The following SHANK2 variants were observed in gnomAD, a reference collection of about 807,000 sequenced individuals.
SHANK2 encodes the protein SH3 and multiple ankyrin repeat domains protein 2.
In SHANK2, 43 loss-of-function variants were observed where a neutral mutation model predicts 133.7. The ratio of observed to expected loss-of-function variants is 0.32; its 90% confidence interval spans 0.25 to 0.41. SHANK2 has a LOEUF of 0.41. Among genes scored for constraint, SHANK2 ranks in the 10% least tolerant of loss-of-function variants. The pLI is 1.00. For synonymous variants in SHANK2, 1,017 were observed against 952.8 expected (o/e 1.07, Z -1.24); for missense variants, 1,994 against 2,235.8 (o/e 0.89, Z 2.18).
intron 11 of SHANK2, among the ~76,000 whole-genome samples, chr11:70,837,994 A>T (rs997802313): frequency 6.6e-6 from 1 of 150,528 alleles, no homozygotes; most frequent in Non-Finnish European, 1.5e-5. Context: ...AAAAAAAAAA[A>T]AAAAAAAGAA....
intron 17 of SHANK2, among the ~76,000 whole-genome samples, chr11:70,614,457 G>A (rs1468815125): frequency 1.3e-5 from 2 of 152,124 alleles, no homozygotes; most frequent in Non-Finnish European, 1.5e-5. Context: ...GATTGCAGGC[G>A]TGCCCCAACA....
intron 8 of SHANK2, among the ~76,000 whole-genome samples, chr11:71,089,145 A>G (rs1565443812): frequency 6.6e-6 from 1 of 152,196 alleles, no homozygotes; most frequent in East Asian, 1.9e-4. Context: ...TCACCTTGGA[A>G]GCTTGGGACA....
intron 11 of SHANK2, chr11:70,863,334 AG>A (rs750353781): frequency 1.5e-4 from 68 of 458,214 alleles, no homozygotes; most frequent in Non-Finnish European, 2.2e-4. Context: ...CCCAGTGCCC[AG>A]ATGCCGGCTC....
At position 71,175,551 on chromosome 11, in the gene SHANK2, G is replaced by GGAGAGAGAGAGAGAGA. The variant is rs555218781; in HGVS notation, c.-12-28229_-12-28214dup. Among the ~76,000 whole-genome samples the GGAGAGAGAGAGAGAGA allele has an allele frequency of 1.2e-4, 5 of 40,642 alleles. No homozygotes were observed. The highest frequency in any genetic ancestry group is 2.5e-4 in the African/African-American group (3 of 12,198). 26.7% of individuals were successfully genotyped at this position (40,642 alleles called of 152,430 possible). ...CAGACAGACAGAGGGAGAGGGAGAG[G>GGAGAGAGAGAGAGAGA]GAGAGAGAGAGAGAGAGAGAGAGAG... is the stretch of plus-strand genomic sequence containing the variant. On this transcript the variant is annotated intron_variant, in intron 2 of 25. Coordinates refer to ENST00000601538, the MANE Select transcript of SHANK2 (RefSeq NM_012309.5). This position sits in a 1 kb window ranked among gnomAD's most constrained non-coding sequence, Gnocchi z 4.2.
chr11:71,178,045 G>A (rs572392533), intron 2 of SHANK2, among the ~76,000 whole-genome samples: 18 of 152,274 alleles, frequency 1.2e-4, no homozygotes, highest in African/African-American at 4.1e-4. Context: ...TAAATAGAGA[G>A]TAACATCTGA....
At chr11:71,124,102 T>C (rs1448285842) in intron 3 of SHANK2, among the ~76,000 whole-genome samples, 2 of 111,420 alleles carry the variant, frequency 1.8e-5, no homozygotes, top group Non-Finnish European at 3.9e-5. Context: ...ATGATAGTGA[T>C]CATGATGGTG....
At chr11:71,238,599 G>A (rs1954851819) in intron 1 of SHANK2, among the ~76,000 whole-genome samples, 1 of 152,192 alleles carries the variant, frequency 6.6e-6, no homozygotes, top group East Asian at 1.9e-4. Context: ...AGAGCGGAGA[G>A]GCCAGAGGCC....
intron 10 of SHANK2, among the ~76,000 whole-genome samples, chr11:70,911,536 T>A (rs898089573): frequency 6.6e-6 from 1 of 152,192 alleles, no homozygotes; most frequent in African/African-American, 2.4e-5. Flanking sequence ...AAACTTTATT[T>A]GCCCCCCAAC....
At chr11:70,484,073 A>G (rs1453805070) in intron 25 of SHANK2, among the ~76,000 whole-genome samples, 1 of 152,232 alleles carries the variant, frequency 6.6e-6, no homozygotes, top group Non-Finnish European at 1.5e-5. Context: ...ATCAAATATC[A>G]GTGGGAGAGA....
chr11:71,162,039 A>G (rs1311533086), intron 2 of SHANK2, among the ~76,000 whole-genome samples: 1 of 152,232 alleles, frequency 6.6e-6, no homozygotes, highest in Non-Finnish European at 1.5e-5. Context: ...ACACCCCTGT[A>G]GCATTTTCTG....
Position 70,485,533 on chromosome 11 carries a change from C to G in SHANK2, c.4760G>C (p.Gly1587Ala). The G allele has an allele frequency of 1.2e-6, 2 of 1,613,118 alleles. No homozygotes were observed. Among genetic ancestry groups the G allele is most frequent in the Non-Finnish European group, 1.7e-6 (2 of 1,180,034 alleles). ...IPPPAPPPPP[G>A]SAQPGMAKVL... ...CTTGGCCATCCCAGGCTGGGCACTG[C>G]CCGGCGGGGGCGGGGGAGCGGGCGG... The change falls in exon 25 of 26, where the codon GGC (glycine) becomes GCC (alanine). Residue 1587 changes from glycine to alanine, a missense_variant. Gly to Ala is a moderately conservative substitution (Grantham distance 60). Coordinates refer to ENST00000601538, the MANE Select transcript of SHANK2 (RefSeq NM_012309.5). The surrounding 1 kb of genome is among the most constrained non-coding windows in gnomAD (Gnocchi z 5.8).
intron 17 of SHANK2, among the ~76,000 whole-genome samples, chr11:70,545,903 C>T (rs2059686963): frequency 1.3e-5 from 2 of 152,096 alleles, no homozygotes; most frequent in Admixed American, 6.5e-5. Context: ...CTGATATTTG[C>T]TAGAACCATT....
rs555636860 is a variant in SHANK2 at position 70,619,825 on chromosome 11, C to T, written c.2061+40003G>A. 1.9e-3 allele frequency among the ~76,000 whole-genome samples: 289 copies of T among 152,260 alleles called. 3 individuals carry two copies. Among genetic ancestry groups the T allele is most frequent in the African/African-American group, 6.5e-3 (272 of 41,562 alleles). ...GGAGGAGGCCTCCATAACAGCAAGG[C>T]CCTTGGATGCTGGAGGGTGAGACGC... On this transcript the variant is annotated intron_variant, in intron 17 of 25. Transcript: ENST00000601538.
chr11:71,090,625 C>CTG (rs782587800), intron 8 of SHANK2, among the ~76,000 whole-genome samples: 19,998 of 102,474 alleles, frequency 0.2, 1,995 homozygotes, highest in Middle Eastern at 0.23. Context: ...AACACAACCT[C>CTG]TGTGTGTGTG....
chr11:70,590,047 C>T (rs1463158647), intron 17 of SHANK2, among the ~76,000 whole-genome samples: 5 of 152,016 alleles, frequency 3.3e-5, no homozygotes, highest in East Asian at 1.9e-4. Flanking sequence ...TCCAGCTACT[C>T]GGGAGGCTGA....
chr11:70,920,626 C>T lies in SHANK2; in HGVS notation c.1108-24059G>A, dbSNP rs1950336542. Among the ~76,000 whole-genome samples the T allele has an allele frequency of 2.0e-5, 3 of 152,216 alleles. No homozygotes were observed. In the South Asian group the frequency reaches 6.2e-4, roughly 32 times the overall value. On this transcript the variant is annotated intron_variant, in intron 10 of 25. Coordinates refer to ENST00000601538, the MANE Select transcript of SHANK2 (RefSeq NM_012309.5). ...TAGAGAGAAATTATTCCAAATGTCT[C>T]TCAAGCACAATAGTTTAATTGCATG...
chr11:70,522,659 T>C (rs1395546042), intron 17 of SHANK2, among the ~76,000 whole-genome samples: 2 of 152,176 alleles, frequency 1.3e-5, no homozygotes, highest in East Asian at 3.9e-4. Context: ...CTCCGCGGGC[T>C]GGCCGGCCAC....
intron 6 of SHANK2, among the ~76,000 whole-genome samples, 154 bp downstream of exon 6, chr11:71,109,787 G>A (rs78224824): frequency 0.017 from 2,622 of 152,378 alleles, 83 homozygotes; most frequent in African/African-American, 0.06. Flanking sequence ...CCTTCTGACT[G>A]AGAAGACAGA....
chr11:70,573,232 C>T (rs369117752), intron 17 of SHANK2, among the ~76,000 whole-genome samples: 5 of 104,430 alleles, frequency 4.8e-5, no homozygotes, highest in East Asian at 6.2e-4. Flanking sequence ...GCGGTGGGGG[C>T]GGGGCAGGGC....
Sources: gnomAD v4.1 joint callset for allele counts (sites outside exome capture counted in the v4.1 genomes callset) on GRCh38, gnomAD v4.1.1 for gene constraint, Gnocchi (gnomAD v3.1) non-coding constraint, MANE v1.5 for transcripts, NCBI Gene and HGNC (gene_info 2026-07-23, HGNC 2026-07-21) for gene names.